The following DPF1 variants were observed in gnomAD, a reference collection of about 807,000 sequenced individuals.
DPF1 encodes double PHD fingers 1, also known as zinc finger protein neuro-d4.
In DPF1, 14 loss-of-function variants were observed where a neutral mutation model predicts 58.7. The ratio of observed to expected loss-of-function variants is 0.24; its 90% confidence interval spans 0.16 to 0.37. The LOEUF (loss-of-function observed/expected upper bound fraction) is 0.37, where lower values mean the gene tolerates loss of function less well. DPF1 is among the 10% of genes least tolerant of loss of function. The probability of loss-of-function intolerance (pLI) is 1.00; values close to 1 mark genes in which losing one functional copy is unlikely to be tolerated. For synonymous variants in DPF1, 216 were observed against 216.0 expected (o/e 1.00, Z 0.00); for missense variants, 345 against 529.9 (o/e 0.65, Z 3.43).
intron 9 of DPF1, among the ~76,000 whole-genome samples, chr19:38,214,814 G>A (rs1002698587): frequency 6.7e-5 from 10 of 150,054 alleles, no homozygotes; most frequent in Non-Finnish European, 1.2e-4. Context: ...CTAATGGGGT[G>A]CGAAACTATG....
chr19:38,222,296 G>A lies in DPF1; in HGVS notation c.298+61C>T, dbSNP rs544441230. On this transcript the variant is annotated intron_variant, in intron 3 of 11. Transcript: ENST00000355526. The surrounding 1 kb of genome is among the most constrained non-coding windows in gnomAD (Gnocchi z 4.9). ...CTAGAAGGCGATAAAGGTGATGGAC[G>A]AGTGCTAGGACACACAGCAGGCGCT... is the stretch of plus-strand genomic sequence containing the variant. 5.4e-5 allele frequency: 75 copies of A among 1,379,568 alleles called. No homozygotes were observed. The highest frequency in any genetic ancestry group is 7.3e-5 in the Non-Finnish European group (73 of 1,005,276). 85.5% of individuals were successfully genotyped at this position (1,379,568 alleles called of 1,614,324 possible).
At chr19:38,218,020 G>C (rs1429259063) in intron 5 of DPF1, 144 bp from the exon 6 acceptor site, 1 of 735,710 alleles carries the variant, frequency 1.4e-6, no homozygotes, top group African/African-American at 1.7e-5. Context: ...TGGCCAACAT[G>C]GTGAAGCCCC....
At position 38,222,542 on chromosome 19, in the gene DPF1, C is replaced by A. The variant is rs765271906; in HGVS notation, c.190+6G>T. On this transcript the variant is annotated splice_donor_region_variant and intron_variant, in intron 2 of 11. Coordinates refer to ENST00000355526, the MANE Select transcript of DPF1 (RefSeq NM_001135155.3). This position sits in a 1 kb window ranked among gnomAD's most constrained non-coding sequence, Gnocchi z 4.9. ...CCCCGCCCTGCGCCAGCCCTCCCGG[C>A]GGTACCCGGCCCGCGGTGGGTCTTC... 1.9e-6 allele frequency: 3 copies of A among 1,605,218 alleles called. No homozygotes were observed. The highest frequency in any genetic ancestry group is 4.5e-5 in the East Asian group (2 of 44,348).
intron 10 of DPF1, 43 bp downstream of exon 10, chr19:38,213,601 G>T (rs1973623126): frequency 2.6e-6 from 4 of 1,564,288 alleles, no homozygotes; most frequent in Non-Finnish European, 2.6e-6. Flanking sequence ...GACGTGCCAG[G>T]CGGGGCGGGC....
intron 9 of DPF1, among the ~76,000 whole-genome samples, chr19:38,215,008 G>T (rs112847905): frequency 0.2 from 29,741 of 150,760 alleles, 3,065 homozygotes; most frequent in African/African-American, 0.26. Flanking sequence ...GCTAAATTTT[G>T]TATTTTTATA....
At chr19:38,218,878 A>G in intron 4 of DPF1, 53 bp downstream of exon 4, 3 of 1,605,882 alleles carry the variant, frequency 1.9e-6, no homozygotes, top group African/African-American at 1.3e-5. Flanking sequence ...GGCTGGTGGC[A>G]GGCAGGGGTG....
At position 38,222,609 on chromosome 19, in the gene DPF1, C is replaced by A; in HGVS notation, c.129G>T (p.Ser43=). 6.2e-7 allele frequency: 1 copy of A among 1,611,726 alleles called. No individual in the cohort carries two copies. Among genetic ancestry groups the A allele is most frequent in the South Asian group, 1.1e-5 (1 of 90,872 alleles). Reference sequence around the variant, plus strand: ...AGTTGTTCTGGGCCACGCCGGTCTGCGAGTCGAGGAAGGGCAGTCGCAGGC... The same window carrying A: ...AGTTGTTCTGGGCCACGCCGGTCTGAGAGTCGAGGAAGGGCAGTCGCAGGC... ...ERSLRLPFLD[S]QTGVAQNNCY... Residue 43 remains serine, a synonymous_variant, in exon 2 of 12, where the codon TCG becomes TCT. Transcript: ENST00000355526. The surrounding 1 kb of genome is among the most constrained non-coding windows in gnomAD (Gnocchi z 4.9).
At chr19:38,228,087 AC>A (rs1480107313), upstream of DPF1, 7 of 152,374 alleles carry the variant, frequency 4.6e-5, no homozygotes, top group African/African-American at 1.4e-4. Flanking sequence ...ATGTCCCCTC[AC>A]AGGAGAGACA....
upstream of DPF1, among the ~76,000 whole-genome samples, chr19:38,226,503 T>TACACACACACACACAC (rs60328056): frequency 1.8e-3 from 236 of 133,772 alleles, no homozygotes; most frequent in East Asian, 0.013. Flanking sequence ...CGGTCACTTC[T>TACACACACACACACAC]ACACACACAC....
upstream of DPF1, among the ~76,000 whole-genome samples, chr19:38,226,893 G>A (rs1419768616): frequency 6.6e-6 from 1 of 152,018 alleles, no homozygotes; most frequent in African/African-American, 2.4e-5. Flanking sequence ...ATTTGATTAA[G>A]AGAAGCCCGA....
At chr19:38,219,175 A>G (rs547374419) in intron 3 of DPF1, 117 bp from the exon 4 acceptor site, 1 of 1,430,706 alleles carries the variant, frequency 7.0e-7, no homozygotes, top group South Asian at 1.3e-5. Context: ...AGAGGCAAGG[A>G]TTTAACCACA....
chr19:38,214,358 C>T (rs1157003524), intron 9 of DPF1, among the ~76,000 whole-genome samples: 1 of 152,224 alleles, frequency 6.6e-6, no homozygotes, highest in African/African-American at 2.4e-5. Flanking sequence ...GCAGCCACGA[C>T]CCATGGCGCC....
At chr19:38,219,132 G>A (rs1967262250) in intron 3 of DPF1, 74 bp from the exon 4 acceptor site, 2 of 1,581,260 alleles carry the variant, frequency 1.3e-6, no homozygotes, top group East Asian at 4.5e-5. Flanking sequence ...GCAGGTGGGG[G>A]GACCATGCTC....
At chr19:38,217,704 C>T (rs1967134981) in intron 6 of DPF1, 94 bp downstream of exon 6, 25 of 1,581,474 alleles carry the variant, frequency 1.6e-5, no homozygotes, top group Non-Finnish European at 2.1e-5. Flanking sequence ...AGCAGCCTCC[C>T]AACCCGGGTC....
Position 38,211,121 on chromosome 19 carries a change from A to AT in DPF1, c.*941dup, listed in dbSNP as rs750966243. 43 of 152,854 alleles carry AT rather than the reference A, an allele frequency of 2.8e-4. No homozygotes were observed. The highest frequency in any genetic ancestry group is 5.3e-4 in the Non-Finnish European group (36 of 68,452). 9.5% of individuals were successfully genotyped at this position (152,854 alleles called of 1,614,324 possible). ...AGGGGGCACTCCTGGATTAGGGGACATCCCCCCAAAACCCACCACCTCCCC... is the reference window on the plus strand; with the variant it reads ...AGGGGGCACTCCTGGATTAGGGGACATTCCCCCCAAAACCCACCACCTCCCC... On this transcript the variant is annotated 3_prime_UTR_variant, in exon 12 of 12. Coordinates refer to ENST00000355526, the MANE Select transcript of DPF1 (RefSeq NM_001135155.3). This position sits in a 1 kb window ranked among gnomAD's most constrained non-coding sequence, Gnocchi z 4.0.
intron 3 of DPF1, among the ~76,000 whole-genome samples, chr19:38,221,197 C>T (rs1434234048): frequency 6.6e-6 from 1 of 152,102 alleles, no homozygotes; most frequent in Non-Finnish European, 1.5e-5. Context: ...TCCAGACGCC[C>T]TTGGGGAGAT....
At chr19:38,224,338 CCGCGGGGACGGGACGG>C, upstream of DPF1, 2 of 1,234,030 alleles carry the variant, frequency 1.6e-6, no homozygotes, top group African/African-American at 1.6e-5. The surrounding 1 kb of genome is among the most constrained non-coding windows in gnomAD (Gnocchi z 4.5). Context: ...CCCCGGGACC[CCGCGGGGACGGGACGG>C]CGCGGAGGAG....
chr19:38,222,503 G>T lies in DPF1; in HGVS notation c.191-39C>A. The T allele has an allele frequency of 6.3e-7, 1 of 1,585,784 alleles. No homozygotes were observed. The highest frequency in any genetic ancestry group is 1.4e-5 in the African/African-American group (1 of 72,424). ...GGGGTGAGAGGGCGGCGGCGGTGGGGCGGCCTGGCCCCGCCCCGCCCTGCG... is the reference window on the plus strand; with the variant it reads ...GGGGTGAGAGGGCGGCGGCGGTGGGTCGGCCTGGCCCCGCCCCGCCCTGCG... On this transcript the variant is annotated intron_variant, in intron 2 of 11. Transcript: ENST00000355526. This position sits in a 1 kb window ranked among gnomAD's most constrained non-coding sequence, Gnocchi z 4.9.
In DPF1 at chr19:38,229,519, G is replaced by C. The variant is rs1193730102; in HGVS notation, c.-132+40C>G. 1 of 1,126,478 alleles carries C rather than the reference G, an allele frequency of 8.9e-7. No individual in the cohort carries two copies. The highest frequency in any genetic ancestry group is 4.3e-5 in the South Asian group (1 of 23,280). 69.8% of individuals were successfully genotyped at this position (1,126,478 alleles called of 1,614,324 possible). On this transcript the variant is annotated intron_variant, in intron 1 of 11. Coordinates refer to the DPF1 transcript ENST00000412732. The surrounding 1 kb of genome is among the most constrained non-coding windows in gnomAD (Gnocchi z 5.3). ...CGGGCGGGGGAAGGGCTCCTGGTGG[G>C]GGGGTCTGGACAGGGGGCGGGGACG...
Sources: allele counts gnomAD v4.1 joint callset (sites outside exome capture counted in the v4.1 genomes callset), GRCh38; gene constraint gnomAD v4.1.1; non-coding constraint Gnocchi (gnomAD v3.1); transcripts MANE v1.5; gene names NCBI Gene and HGNC (gene_info 2026-07-23, HGNC 2026-07-21).